Variants in SNRNP27 observed in about 807,000 individuals in gnomAD.
SNRNP27 encodes small nuclear ribonucleoprotein U4/U6.U5 subunit 27, also known as U4/U6.U5 small nuclear ribonucleoprotein 27 kDa protein.
SNRNP27 carries 22 observed loss-of-function variants against 25.1 expected under a neutral mutation model. The observed-to-expected ratio is 0.88, with a 90% CI of 0.63 to 1.25. The LOEUF is 1.25. Ranked by LOEUF, SNRNP27 falls within the 50% of genes most tolerant of loss-of-function variation. SNRNP27 has a pLI of 0.00. For missense variants in SNRNP27, 150 were observed against 202.3 expected (o/e 0.74, Z 1.57); for synonymous variants, 66 against 64.9 (o/e 1.02, Z -0.08).
intron 4 of SNRNP27, chr2:69,897,658 A>C: frequency 1.8e-6 from 1 of 543,996 alleles, no homozygotes; most frequent in Non-Finnish European, 3.3e-6. Context: ...TTTGAATTAG[A>C]TTTTAAAGGA....
chr2:69,904,504 T>C lies in SNRNP27; in HGVS notation c.*196T>C. 1 of 634,130 alleles carries C rather than the reference T, an allele frequency of 1.6e-6. No homozygotes were observed. The highest frequency in any genetic ancestry group is 2.9e-5 in the East Asian group (1 of 34,860). The allele number at this position is 634,130 out of a possible 1,614,324, so 39.3% of individuals were successfully genotyped here. On this transcript the variant is annotated 3_prime_UTR_variant, in exon 6 of 6. Transcript: ENST00000244227. ...AGAAAGGTTAAATATTACATTTTTT[T>C]CTTTTAGGAAATATCATTTGTGGCA... is the stretch of plus-strand genomic sequence containing the variant.
At chr2:69,900,843 T>C (rs149657333) in intron 4 of SNRNP27, among the ~76,000 whole-genome samples, 64 of 152,250 alleles carry the variant, frequency 4.2e-4, no homozygotes, top group African/African-American at 1.5e-3. Context: ...ATAGGGAAAA[T>C]AACTTTATGA....
intron 3 of SNRNP27, among the ~76,000 whole-genome samples, 158 bp from the exon 4 acceptor site, chr2:69,897,219 T>C (rs1219881197): frequency 6.6e-6 from 1 of 152,056 alleles, no homozygotes; most frequent in Non-Finnish European, 1.5e-5. Context: ...TCTGTCCAAA[T>C]GTAAGAGGAA....
chr2:69,896,896 A>T (rs1676613443), intron 3 of SNRNP27, among the ~76,000 whole-genome samples: 1 of 151,198 alleles, frequency 6.6e-6, no homozygotes, highest in African/African-American at 2.4e-5. Context: ...CTGGTCTCAA[A>T]CTCCTGACCT....
chr2:69,904,622 AG>A lies in SNRNP27; in HGVS notation c.*315del. ...ATTAGGACTTCTTAAAAAACATGAA[AG>A]TAATTTGGAAGTAAGTTTATCCAAT... On this transcript the variant is annotated 3_prime_UTR_variant, in exon 6 of 6. Transcript: ENST00000244227. 1 of 476,992 alleles carries A rather than the reference AG, an allele frequency of 2.1e-6. No individual in the cohort carries two copies. The highest frequency in any genetic ancestry group is 3.7e-6 in the Non-Finnish European group (1 of 273,938). The allele number at this position is 476,992 out of a possible 1,614,324, so 29.5% of individuals were successfully genotyped here. A position where few individuals can be genotyped will look rare whatever the true frequency, so the allele number is the denominator to read the frequency against.
At chr2:69,901,028 G>T (rs1676684739) in intron 4 of SNRNP27, among the ~76,000 whole-genome samples, 1 of 152,084 alleles carries the variant, frequency 6.6e-6, no homozygotes, top group Non-Finnish European at 1.5e-5. Context: ...ACAAAAATTA[G>T]CTGGGCGTAG....
chr2:69,904,251 T>C lies in SNRNP27; in HGVS notation c.414-3T>C, dbSNP rs1676755950. 2 of 1,592,772 alleles carry C rather than the reference T, an allele frequency of 1.3e-6. No homozygotes were observed. Among genetic ancestry groups the C allele is most frequent in the Non-Finnish European group, 1.7e-6 (2 of 1,171,154 alleles). The stretch of plus-strand genomic sequence containing the variant: ...AACAATGAATTTTCTCTTCTCATCA[T>C]AGGCAGTACATGAATCGAAAAGGTG... On this transcript the variant is annotated splice_region_variant and splice_polypyrimidine_tract_variant and intron_variant, in intron 5 of 5. Coordinates refer to ENST00000244227, the MANE Select transcript of SNRNP27 (RefSeq NM_006857.3).
intron 4 of SNRNP27, 45 bp from the exon 5 acceptor site, chr2:69,903,136 G>C: frequency 6.9e-7 from 1 of 1,454,230 alleles, no homozygotes; most frequent in Non-Finnish European, 9.7e-7. Flanking sequence ...CTGATTTAAT[G>C]TATCCTTCCT....
intron 4 of SNRNP27, among the ~76,000 whole-genome samples, chr2:69,902,428 T>G (rs1201839382): frequency 1.3e-5 from 2 of 152,036 alleles, no homozygotes; most frequent in African/African-American, 2.4e-5. Flanking sequence ...GTCTGCTTCT[T>G]CTGCTGCTCC....
At chr2:69,894,127 T>A in intron 1 of SNRNP27, 109 bp downstream of exon 1, 1 of 1,040,972 alleles carries the variant, frequency 9.6e-7, no homozygotes, top group Non-Finnish European at 1.4e-6. Flanking sequence ...CGGGCCCTTT[T>A]CCCAGGCGGA....
chr2:69,900,188 T>A (rs556710376), intron 4 of SNRNP27, among the ~76,000 whole-genome samples: 5 of 152,324 alleles, frequency 3.3e-5, no homozygotes, highest in East Asian at 1.9e-4. Context: ...AAATAATGGC[T>A]AAAACTGCAA....
At chr2:69,899,413 A>T (rs2104119231) in intron 4 of SNRNP27, among the ~76,000 whole-genome samples, 1 of 151,444 alleles carries the variant, frequency 6.6e-6, no homozygotes, top group East Asian at 1.9e-4. Context: ...TCATTTTTTT[A>T]TTTGTATTAT....
Position 69,893,982 on chromosome 2 carries a change from C to T in SNRNP27, c.-3C>T, listed in dbSNP as rs200252128. 1 of 1,614,060 alleles carries T rather than the reference C, an allele frequency of 6.2e-7. No homozygotes were observed. The highest frequency in any genetic ancestry group is 8.5e-7 in the Non-Finnish European group (1 of 1,179,964). On this transcript the variant is annotated 5_prime_UTR_variant, in exon 1 of 6. Transcript: ENST00000244227. ...CAGTTGTTTCCGGGAAGCGGGACTC[C>T]AAATGGGTCGCAGTCGCAGCCGCTC...
chr2:69,895,998 G>A (rs1312252081), intron 2 of SNRNP27, among the ~76,000 whole-genome samples: 1 of 148,832 alleles, frequency 6.7e-6, no homozygotes, highest in Admixed American at 6.7e-5. Flanking sequence ...TGAGAGAGAG[G>A]GTCTCCCTGT....
intron 4 of SNRNP27, among the ~76,000 whole-genome samples, chr2:69,901,574 G>A (rs974014510): frequency 3.3e-5 from 5 of 152,180 alleles, no homozygotes; most frequent in African/African-American, 4.8e-5. Context: ...CCAGCACTTT[G>A]GAAGACCAAC....
intron 4 of SNRNP27, among the ~76,000 whole-genome samples, chr2:69,898,798 GTTTA>G (rs1245470105): frequency 2.6e-5 from 4 of 152,086 alleles, no homozygotes; most frequent in African/African-American, 9.7e-5. Context: ...ATTTAATGAA[GTTTA>G]TTTATCAGCT....
chr2:69,904,414 C>T lies in SNRNP27; in HGVS notation c.*106C>T. The T allele has an allele frequency of 1.1e-6, 1 of 871,044 alleles. No homozygotes were observed. The highest frequency in any genetic ancestry group is 1.9e-6 in the Non-Finnish European group (1 of 516,348). The allele number at this position is 871,044 out of a possible 1,614,324, so 54.0% of individuals were successfully genotyped here. A position where few individuals can be genotyped will look rare whatever the true frequency, so the allele number is the denominator to read the frequency against. ...TTCAAAAAACAGGATCTCAGTTCTCCTTTCTTGTAAAGTAAGAAAATCTTA... is the reference window on the plus strand; with the variant it reads ...TTCAAAAAACAGGATCTCAGTTCTCTTTTCTTGTAAAGTAAGAAAATCTTA... On this transcript the variant is annotated 3_prime_UTR_variant, in exon 6 of 6. Transcript: ENST00000244227.
chr2:69,896,681 T>A (rs1300202313), intron 3 of SNRNP27, 133 bp downstream of exon 3: 6 of 924,314 alleles, frequency 6.5e-6, no homozygotes, highest in Non-Finnish European at 9.3e-6. Context: ...TTTTGGTTTT[T>A]TTTTTTTTGA....
Position 69,901,034 on chromosome 2 carries a change from C to T in SNRNP27, c.349-2147C>T, listed in dbSNP as rs144453150. ...ACTAAAAATACAAAAATTAGCTGGG[C>T]GTAGTGGTGCATGCCTGTAGTCCCA... On this transcript the variant is annotated intron_variant, in intron 4 of 5. Coordinates refer to ENST00000244227, the MANE Select transcript of SNRNP27 (RefSeq NM_006857.3). Among the ~76,000 whole-genome samples the T allele has an allele frequency of 1.4e-3, 209 of 152,044 alleles. 1 individual carries two copies. Among genetic ancestry groups the T allele is most frequent in the African/African-American group, 4.8e-3 (201 of 41,460 alleles).
Sources: allele counts gnomAD v4.1 joint callset (sites outside exome capture counted in the v4.1 genomes callset), GRCh38; gene constraint gnomAD v4.1.1; transcripts MANE v1.5; gene names NCBI Gene and HGNC (gene_info 2026-07-23, HGNC 2026-07-21).